INF2: variants seen among roughly 807,000 people sequenced by gnomAD.
INF2 encodes inverted formin-2.
INF2 carries 43 observed loss-of-function variants against 123.5 expected under a neutral mutation model. The ratio of observed to expected loss-of-function variants is 0.35; its 90% confidence interval spans 0.27 to 0.45. INF2 has a LOEUF of 0.45. Among genes scored for constraint, INF2 ranks in the 20% least tolerant of loss-of-function variants. The pLI, the probability that INF2 is intolerant of heterozygous loss-of-function variation, is 1.00. For missense variants in INF2, 1,453 were observed against 1,682.7 expected (o/e 0.86, Z 2.39); for synonymous variants, 851 against 745.0 (o/e 1.14, Z -2.32).
rs764012283 is a variant in INF2 at position 104,703,401 on chromosome 14, T to C, written c.614T>C (p.Ile205Thr). 1.9e-6 allele frequency: 3 copies of C among 1,612,820 alleles called. No homozygotes were observed. The South Asian group carries it at 3.3e-5, about 18-fold the overall frequency. ...VTLLSVINAVILGPEDLRART... is the reference protein window; with the variant it reads ...VTLLSVINAVTLGPEDLRART... ...CTGCTTAGCGTGATCAACGCCGTCA[T>C]CTTGGGCCCCGAGGACCTGCGCGCG... Residue 205 changes from isoleucine (I) to threonine (T), a missense_variant, in exon 4 of 23, where the codon ATC (isoleucine) becomes ACC (threonine). Coordinates refer to ENST00000392634, the MANE Select transcript of INF2 (RefSeq NM_022489.4).
intron 1 of INF2, among the ~76,000 whole-genome samples, chr14:104,700,341 C>T (rs1387667817): frequency 3.3e-5 from 5 of 152,214 alleles, no homozygotes; most frequent in South Asian, 2.1e-4. Context: ...GGTGGGAAGC[C>T]GAGGGCCAGG....
chr14:104,698,184 C>A (rs1889285461), intron 1 of INF2, among the ~76,000 whole-genome samples: 1 of 152,258 alleles, frequency 6.6e-6, no homozygotes, highest in African/African-American at 2.4e-5. Flanking sequence ...GTAGCCTGCC[C>A]AGGGGCACAC....
chr14:104,717,020 C>A (rs1256500041), intron 22 of INF2, among the ~76,000 whole-genome samples: 2 of 152,240 alleles, frequency 1.3e-5, no homozygotes, highest in Admixed American at 6.5e-5. Context: ...AAATCTTCAA[C>A]ACCACAGGAA....
At chr14:104,715,399 G>A in intron 22 of INF2, 59 bp downstream of exon 22, 1 of 1,472,850 alleles carries the variant, frequency 6.8e-7, no homozygotes, top group Non-Finnish European at 9.5e-7. Flanking sequence ...AGTGGGGCTG[G>A]AGCTTGCTGC....
In INF2 at chr14:104,714,869, G is replaced by C. The variant is rs776214809; in HGVS notation, c.3694+13G>C. The C allele has an allele frequency of 7.4e-4, 1,132 of 1,535,898 alleles. 9 individuals carry two copies. Among genetic ancestry groups the C allele is most frequent in the Non-Finnish European group, 1.1e-4 (127 of 1,148,836 alleles). On this transcript the variant is annotated intron_variant, in intron 21 of 22. Transcript: ENST00000392634. ...AGGAGCCAGGAAGGTAACTCAGGGA[G>C]GGGCCCCGGGCACCGTCCCACGCCA...
chr14:104,688,926 C>T (rs944029705), upstream of INF2, among the ~76,000 whole-genome samples: 6 of 152,252 alleles, frequency 3.9e-5, no homozygotes, highest in Non-Finnish European at 5.9e-5. Flanking sequence ...TGGGTGCCCC[C>T]CTCAATCTAG....
At chr14:104,709,746 G>A in intron 12 of INF2, 41 bp downstream of exon 12, 1 of 1,555,582 alleles carries the variant, frequency 6.4e-7, no homozygotes, top group Non-Finnish European at 8.9e-7. Flanking sequence ...CTGGGCCCCA[G>A]GTGGGAGGAG....
intron 2 of INF2, 77 bp from the exon 3 acceptor site, chr14:104,703,028 C>T: frequency 8.0e-7 from 1 of 1,244,002 alleles, no homozygotes; most frequent in Non-Finnish European, 1.2e-6. Context: ...GCCCAGAGCC[C>T]CAGCCCTGAG....
chr14:104,683,233 G>A (rs113328777), intron 1 of INF2, among the ~76,000 whole-genome samples: 4,156 of 151,100 alleles, frequency 0.028, 47 homozygotes, highest in African/African-American at 0.095. Flanking sequence ...AGGCAGCACA[G>A]ACTGGTTTGT....
Position 104,707,583 on chromosome 14 carries a change from C to A in INF2, c.1316C>A (p.Pro439His). The change falls in exon 8 of 23, where the codon CCC (proline) becomes CAC (histidine). Residue 439 changes from proline to histidine, a missense_variant. Around this residue, in one of 8 missense-constraint regions of INF2, gnomAD observed 374 missense variants for 303.7 expected, o/e 1.23. Transcript: ENST00000392634. ...CCTGGTTCCAGTGCCGAGCCCCCTC[C>A]CCCTCCCCCACCACCCCCCCTGCCC... ...LLPGSSAEPP[P>H]PPPPPPLPSV... is the part of the protein sequence containing the mutation. 6 of 1,088,596 alleles carry A rather than the reference C, an allele frequency of 5.5e-6. No homozygotes were observed. In the East Asian group the frequency reaches 3.2e-4, roughly 59 times the overall value. 67.4% of individuals were successfully genotyped at this position (1,088,596 alleles called of 1,614,324 possible).
intron 14 of INF2, 22 bp downstream of exon 14, chr14:104,711,029 A>G (rs867816734): frequency 2.5e-6 from 4 of 1,611,282 alleles, no homozygotes; most frequent in Middle Eastern, 1.6e-4. Context: ...GCAGCTCCCC[A>G]TCCCACCTGG....
chr14:104,714,863 C>T lies in INF2; in HGVS notation c.3694+7C>T, dbSNP rs1037407245. On this transcript the variant is annotated splice_region_variant and intron_variant, in intron 21 of 22. Transcript: ENST00000392634. ...CCCTCCAGGAGCCAGGAAGGTAACT[C>T]AGGGAGGGGCCCCGGGCACCGTCCC... The T allele has an allele frequency of 1.3e-6, 2 of 1,547,596 alleles. No individual in the cohort carries two copies. The highest frequency in any genetic ancestry group is 2.8e-5 in the African/African-American group (2 of 72,342).
chr14:104,710,388 C>T (rs1033165454), intron 13 of INF2, among the ~76,000 whole-genome samples, 200 bp downstream of exon 13: 4 of 152,140 alleles, frequency 2.6e-5, no homozygotes, highest in East Asian at 3.9e-4. Context: ...CACAGACACA[C>T]GCATGCCCAC....
rs199798318 is a variant in INF2, at chr14:104,711,595, C to T, written c.2419-34C>T. 890 of 1,595,446 alleles carry T rather than the reference C, an allele frequency of 5.6e-4. 4 individuals carry two copies. Among genetic ancestry groups the T allele is most frequent in the South Asian group, 3.2e-3 (286 of 90,660 alleles). On this transcript the variant is annotated intron_variant, in intron 15 of 22. Transcript: ENST00000392634. Reference sequence around the variant, plus strand: ...GTCATCCCCAGGTGGAGAGTATGACCACAGTGGATCTCACTGGACGTGTCC... The same window carrying T: ...GTCATCCCCAGGTGGAGAGTATGACTACAGTGGATCTCACTGGACGTGTCC...
At position 104,704,552 on chromosome 14, in the gene INF2, C is replaced by T. The variant is rs7151116; in HGVS notation, c.701+603C>T. 5.4e-3 allele frequency: 853 copies of T among 159,176 alleles called. 10 individuals carry two copies. Among genetic ancestry groups the T allele is most frequent in the African/African-American group, 0.019 (809 of 41,708 alleles). 9.9% of individuals were successfully genotyped at this position (159,176 alleles called of 1,614,324 possible). ...TGCATTAGATTCTCCAGCGCACGCA[C>T]GCGCGCAAGGGATCCAGGCTGCGCG... On this transcript the variant is annotated intron_variant, in intron 5 of 22. Transcript: ENST00000392634.
chr14:104,694,758 G>C (rs1252708812), intron 1 of INF2, among the ~76,000 whole-genome samples: 1 of 152,166 alleles, frequency 6.6e-6, no homozygotes, highest in Admixed American at 6.5e-5. Context: ...ATCTGTCTTT[G>C]TTCTCCCTGC....
In INF2 at chr14:104,713,328, G is replaced by A; in HGVS notation, c.2878+19G>A. The A allele has an allele frequency of 6.4e-7, 1 of 1,551,104 alleles. No individual in the cohort carries two copies. Among genetic ancestry groups the A allele is most frequent in the East Asian group, 2.4e-5 (1 of 41,012 alleles). On this transcript the variant is annotated intron_variant, in intron 19 of 22. Coordinates refer to ENST00000392634, the MANE Select transcript of INF2 (RefSeq NM_022489.4). ...AAGCCTGGTGAGGCTGGGCCGGCTG[G>A]GCGGGGAGGGGGTGACTCTGGGATC... is the stretch of plus-strand genomic sequence containing the variant.
At chr14:104,717,371 C>A (rs76711273) in intron 22 of INF2, among the ~76,000 whole-genome samples, 6 of 151,198 alleles carry the variant, frequency 4.0e-5, no homozygotes, top group Non-Finnish European at 5.9e-5. Context: ...TCCTCCCAGT[C>A]CCCCCCGGGC....
intron 5 of INF2, chr14:104,704,241 G>T (rs1394926488): frequency 3.0e-5 from 39 of 1,285,268 alleles, no homozygotes; most frequent in Non-Finnish European, 1.4e-5. Context: ...GTGATCCTAA[G>T]TGAACCAACC....
Sources: gnomAD v4.1 joint callset for allele counts (sites outside exome capture counted in the v4.1 genomes callset) on GRCh38, gnomAD v4.1.1 for gene constraint, gnomAD v4.1.1 regional missense constraint, MANE v1.5 for transcripts, NCBI Gene and HGNC (gene_info 2026-07-23, HGNC 2026-07-21) for gene names.